The following DNER variants were observed in gnomAD, a reference collection of about 807,000 sequenced individuals.
The protein encoded by DNER is delta and Notch-like epidermal growth factor-related receptor.
Under a neutral mutation model 78.2 loss-of-function variants are expected in DNER, and 33 were observed. The observed-to-expected ratio is 0.42, with a 90% CI of 0.32 to 0.56. DNER has a LOEUF of 0.56. Among genes scored for constraint, DNER ranks in the 20% least tolerant of loss-of-function variants. The probability of loss-of-function intolerance (pLI) is 0.11; values close to 1 mark genes in which losing one functional copy is unlikely to be tolerated. For synonymous variants in DNER, 417 were observed against 384.8 expected (o/e 1.08, Z -0.98); for missense variants, 918 against 975.3 (o/e 0.94, Z 0.78).
chr2:229,542,858 A>G (rs1452290854), intron 5 of DNER, among the ~76,000 whole-genome samples: 6 of 151,958 alleles, frequency 3.9e-5, no homozygotes, highest in Non-Finnish European at 5.9e-5. Flanking sequence ...TTTCTCTCCA[A>G]CTTAACAGTG....
In DNER at chr2:229,358,605, C is replaced by T. The variant is rs369313376; in HGVS notation, c.2149G>A (p.Ala717Thr). 22 of 1,613,792 alleles carry T rather than the reference C, an allele frequency of 1.4e-5. 1 individual carries two copies. Among genetic ancestry groups the T allele is most frequent in the Middle Eastern group, 1.6e-4 (1 of 6,084 alleles). The change falls in exon 13 of 13, where the codon GCC (alanine) becomes ACC (threonine). Residue 717 changes from alanine to threonine, a missense_variant. Ala to Thr is a moderately conservative substitution (Grantham distance 58, BLOSUM62 0). Coordinates refer to ENST00000341772, the MANE Select transcript of DNER (RefSeq NM_139072.4). ...TCATCAGGACTGTAATCTTCATAGG[C>T]GATGGGGCTCACATCATACATTGCA... ...RPAMYDVSPI[A>T]YEDYSPDDKP...
rs777616075 is a variant in DNER, at chr2:229,585,882, C to T, written c.823G>A (p.Ala275Thr). ...CCAATAAAGTGATTATTCCCCAAGG[C>T]GAGCATCTCCTCCAGGAGGACCAGT... is the stretch of plus-strand genomic sequence containing the variant. Reference protein sequence around the residue: ...GGLVLLEEMLALGNNHFIGFV... With the variant: ...GGLVLLEEMLTLGNNHFIGFV... Residue 275 changes from alanine to threonine, a missense_variant, in exon 4 of 13, where the codon GCC (alanine) becomes ACC (threonine). Coordinates refer to ENST00000341772, the MANE Select transcript of DNER (RefSeq NM_139072.4). 11 of 1,613,726 alleles carry T rather than the reference C, an allele frequency of 6.8e-6. No homozygotes were observed. The highest frequency in any genetic ancestry group is 4.0e-5 in the African/African-American group (3 of 74,870).
chr2:229,433,185 G>A (rs909627040), intron 8 of DNER, among the ~76,000 whole-genome samples: 4 of 152,104 alleles, frequency 2.6e-5, no homozygotes, highest in East Asian at 1.9e-4. Context: ...TGATCCGTCC[G>A]CCTTGGCCTC....
rs150958936 is a variant in DNER at position 229,523,536 on chromosome 2, T to C, written c.994-10600A>G. 5.1e-3 allele frequency among the ~76,000 whole-genome samples: 778 copies of C among 152,280 alleles called. 5 individuals are homozygous for C. Among genetic ancestry groups the C allele is most frequent in the African/African-American group, 0.018 (739 of 41,578 alleles). ...GGATGAGGACCCACCCATATTTCAC[T>C]TTACCTCTTTAAAGTGACCTCATTT... On this transcript the variant is annotated intron_variant, in intron 5 of 12. Transcript: ENST00000341772.
intron 11 of DNER, among the ~76,000 whole-genome samples, chr2:229,370,409 A>T (rs950130133): frequency 1.3e-5 from 2 of 152,192 alleles, no homozygotes; most frequent in Non-Finnish European, 2.9e-5. Flanking sequence ...AGGCCCACGG[A>T]GCTTAGTAAA....
chr2:229,546,924 C>T lies in DNER; in HGVS notation c.993+23G>A, dbSNP rs141818734. On this transcript the variant is annotated intron_variant, in intron 5 of 12. Transcript: ENST00000341772. Reference sequence around the variant, plus strand: ...ATATTCATGTAAATATGTGTATTTACAAGCTACCAGGCATCCCCTTACCTC... The same window carrying T: ...ATATTCATGTAAATATGTGTATTTATAAGCTACCAGGCATCCCCTTACCTC... The T allele has an allele frequency of 1.5e-3, 2,422 of 1,613,746 alleles. 2 individuals carry two copies. The highest frequency in any genetic ancestry group is 1.8e-3 in the Non-Finnish European group (2,144 of 1,179,838).
At chr2:229,415,195 C>A (rs1693619089) in intron 9 of DNER, among the ~76,000 whole-genome samples, 1 of 151,778 alleles carries the variant, frequency 6.6e-6, no homozygotes, top group African/African-American at 2.4e-5. Context: ...CCCGGAAGTT[C>A]AAGACTGGAA....
At chr2:229,442,545 T>C (rs1171228165) in intron 8 of DNER, among the ~76,000 whole-genome samples, 1 of 151,644 alleles carries the variant, frequency 6.6e-6, no homozygotes, top group Non-Finnish European at 1.5e-5. Context: ...GTAAACTAGA[T>C]AAAGTTTTTC....
intron 10 of DNER, among the ~76,000 whole-genome samples, chr2:229,404,314 G>T (rs763976149): frequency 2.0e-4 from 31 of 152,166 alleles, no homozygotes; most frequent in Non-Finnish European, 4.3e-4. Flanking sequence ...GGAGGCCTCG[G>T]AAAACTTACA....
intron 5 of DNER, among the ~76,000 whole-genome samples, chr2:229,517,959 G>C (rs1696014006): frequency 6.6e-6 from 1 of 152,182 alleles, no homozygotes; most frequent in Admixed American, 6.5e-5. Context: ...CGCCAGAAAA[G>C]ACCTGAAAAT....
chr2:229,514,194 A>C (rs1189176263), intron 5 of DNER, among the ~76,000 whole-genome samples: 1 of 152,190 alleles, frequency 6.6e-6, no homozygotes, highest in Non-Finnish European at 1.5e-5. Flanking sequence ...GATACTTGCT[A>C]GTAATTATTA....
intron 7 of DNER, among the ~76,000 whole-genome samples, chr2:229,476,064 G>A (rs2154211282): frequency 6.6e-6 from 1 of 152,132 alleles, no homozygotes; most frequent in East Asian, 1.9e-4. Flanking sequence ...GAAGGAGAGG[G>A]TGAAGAGCAG....
chr2:229,436,817 A>T (rs750909149), intron 8 of DNER, among the ~76,000 whole-genome samples: 2 of 152,228 alleles, frequency 1.3e-5, no homozygotes, highest in Non-Finnish European at 1.5e-5. Context: ...TGGAAAGGAA[A>T]GACCATTACC....
chr2:229,506,190 T>TG (rs10657021), intron 6 of DNER, among the ~76,000 whole-genome samples: 40,230 of 150,782 alleles, frequency 0.27, 5,647 homozygotes, highest in South Asian at 0.35. Context: ...TCCACAGGGC[T>TG]GGGGGGCCTC....
chr2:229,491,762 C>G (rs1056729548), intron 6 of DNER, among the ~76,000 whole-genome samples: 1 of 152,176 alleles, frequency 6.6e-6, no homozygotes, highest in Non-Finnish European at 1.5e-5. Flanking sequence ...TCTACTTTCT[C>G]CTTCCCCTGT....
chr2:229,382,268 A>G (rs958075363), intron 11 of DNER, among the ~76,000 whole-genome samples: 17 of 152,220 alleles, frequency 1.1e-4, no homozygotes, highest in Non-Finnish European at 4.4e-5. Flanking sequence ...AAGGTCACCA[A>G]CATCAAAGAC....
chr2:229,644,587 T>A (rs1698682261), intron 1 of DNER, among the ~76,000 whole-genome samples: 1 of 152,174 alleles, frequency 6.6e-6, no homozygotes, highest in South Asian at 2.1e-4. Context: ...CCTCAGGTGA[T>A]CTGCCCGCCT....
chr2:229,616,424 G>T lies in DNER; in HGVS notation c.277-24536C>A, dbSNP rs560297641. Among the ~76,000 whole-genome samples the T allele has an allele frequency of 4.6e-5, 7 of 152,164 alleles. No individual in the cohort carries two copies. The East Asian group carries it at 1.4e-3, about 29-fold the overall frequency. On this transcript the variant is annotated intron_variant, in intron 1 of 12. Coordinates refer to ENST00000341772, the MANE Select transcript of DNER (RefSeq NM_139072.4). ...CAAACAGGCCTTGTATCTCAGAGTG[G>T]TACTCAATCATAAAGTGGTCACTTC...
chr2:229,668,417 T>TTTATATATATATATATATATATACAC (rs1559201916), intron 1 of DNER, among the ~76,000 whole-genome samples: 2 of 11,076 alleles, frequency 1.8e-4, no homozygotes, highest in Non-Finnish European at 5.3e-4. Flanking sequence ...AAAATATTCT[T>TTTATATATATATATATATATATACAC]TTATATATAT....
Sources: allele counts gnomAD v4.1 joint callset (sites outside exome capture counted in the v4.1 genomes callset), GRCh38; gene constraint gnomAD v4.1.1; transcripts MANE v1.5; gene names NCBI Gene and HGNC (gene_info 2026-07-23, HGNC 2026-07-21).